Variants in PDIA5 observed in about 807,000 individuals in gnomAD.
The protein encoded by PDIA5 is protein disulfide isomerase family A member 5.
A neutral mutation model predicts 77.6 loss-of-function variants in PDIA5; 58 were observed. That is an observed-to-expected ratio of 0.75 (90% CI 0.61 to 0.93). The LOEUF (loss-of-function observed/expected upper bound fraction) is 0.93, where lower values mean the gene tolerates loss of function less well. Ranked by LOEUF, PDIA5 falls within the 40% of genes least tolerant of loss-of-function variation. The probability of loss-of-function intolerance (pLI) is 0.00; values close to 1 mark genes in which losing one functional copy is unlikely to be tolerated. For missense variants in PDIA5, 630 were observed against 647.7 expected, an observed-to-expected ratio of 0.97 and a Z score of 0.30; for synonymous variants, 250 against 252.1, an observed-to-expected ratio of 0.99 and a Z score of 0.08.
chr3:123,126,495 A>G lies in PDIA5; in HGVS notation c.773+2152A>G, dbSNP rs1935248998. 2.6e-5 allele frequency among the ~76,000 whole-genome samples: 4 copies of G among 152,272 alleles called. No homozygotes were observed. The Middle Eastern group carries it at 0.01, about 388-fold the overall frequency. On this transcript the variant is annotated intron_variant, in intron 10 of 16. Transcript: ENST00000316218. ...GATAGGCTTATTATAGAAAAACCTA[A>G]AAGTGTGGTTAAACAAAAAGTCCTC...
intron 3 of PDIA5, among the ~76,000 whole-genome samples, chr3:123,096,070 C>T (rs748504119): frequency 6.6e-6 from 1 of 152,104 alleles, no homozygotes; most frequent in Non-Finnish European, 1.5e-5. Flanking sequence ...CCCCATTCCC[C>T]ATTTTGGAAG....
At chr3:123,097,284 C>G (rs1337536171) in intron 3 of PDIA5, among the ~76,000 whole-genome samples, 1 of 152,162 alleles carries the variant, frequency 6.6e-6, no homozygotes, top group Non-Finnish European at 1.5e-5. Context: ...CCACCATGCA[C>G]TTGTTGGAGT....
chr3:123,124,439 A>G, intron 10 of PDIA5, 96 bp downstream of exon 10: 1 of 872,332 alleles, frequency 1.1e-6, no homozygotes, highest in Non-Finnish European at 2.0e-6. Context: ...AGGTTGGGGG[A>G]AAGAATGAGG....
At chr3:123,147,704 AC>A (rs1560556997) in intron 13 of PDIA5, among the ~76,000 whole-genome samples, 1 of 152,176 alleles carries the variant, frequency 6.6e-6, no homozygotes, top group Non-Finnish European at 1.5e-5. Flanking sequence ...TGTCTTAGGG[AC>A]CAGAGGAAAA....
At chr3:123,117,374 T>TTATATATATATGTATA (rs1935020423) in intron 8 of PDIA5, among the ~76,000 whole-genome samples, 1 of 79,872 alleles carries the variant, frequency 1.3e-5, no homozygotes, top group Admixed American at 1.5e-4. Context: ...TTCTATGATT[T>TTATATATATATGTATA]TATATATATA....
At chr3:123,104,375 A>G (rs1934681637) in intron 5 of PDIA5, among the ~76,000 whole-genome samples, 1 of 152,166 alleles carries the variant, frequency 6.6e-6, no homozygotes, top group African/African-American at 2.4e-5. Context: ...AGCTTGAGAC[A>G]GCTGAGATCA....
At chr3:123,073,020 G>A (rs1373145553) in intron 1 of PDIA5, among the ~76,000 whole-genome samples, 1 of 152,170 alleles carries the variant, frequency 6.6e-6, no homozygotes, top group African/African-American at 2.4e-5. Context: ...GCTCAGCCCT[G>A]GTGGGCTGGC....
intron 13 of PDIA5, among the ~76,000 whole-genome samples, chr3:123,146,955 A>G (rs898332549): frequency 7.9e-5 from 12 of 152,070 alleles, no homozygotes; most frequent in African/African-American, 2.9e-4. Flanking sequence ...GATTACAGGC[A>G]CATGCCACCA....
chr3:123,150,425 A>G, intron 14 of PDIA5, 61 bp downstream of exon 14: 4 of 1,535,022 alleles, frequency 2.6e-6, no homozygotes, highest in Non-Finnish European at 3.5e-6. Flanking sequence ...CACCAAACCA[A>G]AAAGACCCGC....
chr3:123,135,603 CT>C (rs1202591731), intron 11 of PDIA5, among the ~76,000 whole-genome samples: 19 of 151,138 alleles, frequency 1.3e-4, no homozygotes, highest in South Asian at 8.4e-4. Context: ...CTGCTGTCAT[CT>C]TTTTTTTTAA....
At chr3:123,147,077 C>T (rs1399897183) in intron 13 of PDIA5, among the ~76,000 whole-genome samples, 2 of 152,140 alleles carry the variant, frequency 1.3e-5, no homozygotes, top group African/African-American at 4.8e-5. Context: ...TCCCAAAGTG[C>T]TAGGATTACA....
chr3:123,090,125 G>T (rs1293515298), intron 2 of PDIA5, among the ~76,000 whole-genome samples: 1 of 152,216 alleles, frequency 6.6e-6, no homozygotes, highest in Non-Finnish European at 1.5e-5. Flanking sequence ...GATGATAGAG[G>T]CTCCAGACGT....
At chr3:123,125,851 G>C (rs1451827310) in intron 10 of PDIA5, among the ~76,000 whole-genome samples, 9 of 152,146 alleles carry the variant, frequency 5.9e-5, no homozygotes, top group Admixed American at 5.9e-4. Context: ...GCCTGGGAAG[G>C]CTGCTGCCCA....
At chr3:123,116,394 T>G in intron 8 of PDIA5, 96 bp downstream of exon 8, 1 of 904,708 alleles carries the variant, frequency 1.1e-6, no homozygotes, top group Non-Finnish European at 1.8e-6. Context: ...TTTGAAATGG[T>G]GAGGATGACT....
chr3:123,091,155 C>T (rs918465353), intron 2 of PDIA5, among the ~76,000 whole-genome samples: 41 of 152,162 alleles, frequency 2.7e-4, no homozygotes, highest in Admixed American at 9.8e-4. Flanking sequence ...CCTCCTGTCA[C>T]CCTGGCTGTG....
At chr3:123,107,759 C>A (rs2107938546) in intron 6 of PDIA5, among the ~76,000 whole-genome samples, 1 of 152,238 alleles carries the variant, frequency 6.6e-6, no homozygotes, top group African/African-American at 2.4e-5. Flanking sequence ...ACATAGCTTT[C>A]ATCTTTCTCT....
At chr3:123,140,835 TG>T (rs1453176066) in intron 11 of PDIA5, among the ~76,000 whole-genome samples, 3 of 152,182 alleles carry the variant, frequency 2.0e-5, no homozygotes, top group African/African-American at 7.2e-5. Context: ...GAGACAGCCA[TG>T]TGTGCGAGCT....
intron 13 of PDIA5, among the ~76,000 whole-genome samples, chr3:123,149,908 T>A (rs1935850614): frequency 6.6e-6 from 1 of 151,434 alleles, no homozygotes; most frequent in South Asian, 2.1e-4. Flanking sequence ...GGCCTGGGAG[T>A]CCAAGCAGAG....
chr3:123,142,170 G>A (rs1350265006), intron 11 of PDIA5, among the ~76,000 whole-genome samples: 6 of 152,222 alleles, frequency 3.9e-5, no homozygotes, highest in East Asian at 1.9e-4. Context: ...GGTGGGGGTC[G>A]CTGCCTAGAG....
Sources: gnomAD v4.1 joint callset for allele counts (sites outside exome capture counted in the v4.1 genomes callset) on GRCh38, gnomAD v4.1.1 for gene constraint, MANE v1.5 for transcripts, NCBI Gene and HGNC (gene_info 2026-07-23, HGNC 2026-07-21) for gene names.